Variants in SPAG16 observed in about 807,000 individuals in gnomAD.
SPAG16 encodes sperm-associated antigen 16 protein.
In SPAG16, 86 loss-of-function variants were observed where a neutral mutation model predicts 80.4. The ratio of observed to expected loss-of-function variants is 1.07; its 90% CI spans 0.90 to 1.28. SPAG16 has a LOEUF of 1.28. SPAG16 is among the 50% of genes most tolerant of loss of function. SPAG16 has a pLI of 0.00. For missense variants in SPAG16, 870 were observed against 765.3 expected (o/e 1.14, Z -1.61); for synonymous variants, 294 against 265.9 (o/e 1.11, Z -1.03).
At chr2:213,572,936 C>A (rs369978551) in intron 10 of SPAG16, among the ~76,000 whole-genome samples, 8 of 152,344 alleles carry the variant, frequency 5.3e-5, no homozygotes, top group African/African-American at 1.9e-4. Flanking sequence ...GATGTAATCT[C>A]ATGGTTCGCC....
intron 3 of SPAG16, among the ~76,000 whole-genome samples, chr2:213,300,375 G>A (rs935292520): frequency 3.3e-5 from 5 of 152,106 alleles, no homozygotes; most frequent in African/African-American, 1.2e-4. Context: ...TGACCCAAGC[G>A]AGAATGTTCT....
chr2:213,713,407 G>T (rs1050808512), intron 10 of SPAG16, among the ~76,000 whole-genome samples: 6 of 152,164 alleles, frequency 3.9e-5, no homozygotes, highest in Admixed American at 1.3e-4. Context: ...CACAGCAAAA[G>T]GAGGCTGGAA....
intron 13 of SPAG16, among the ~76,000 whole-genome samples, chr2:214,079,708 C>A (rs1187254886): frequency 6.6e-6 from 1 of 152,074 alleles, no homozygotes; most frequent in Non-Finnish European, 1.5e-5. Context: ...TTGGCTTGGA[C>A]CACCTATTTT....
chr2:213,818,562 C>A (rs1387631097), intron 10 of SPAG16, among the ~76,000 whole-genome samples: 2 of 152,172 alleles, frequency 1.3e-5, no homozygotes, highest in African/African-American at 4.8e-5. Context: ...TTTTACTACT[C>A]ATCTATTGTT....
intron 10 of SPAG16, among the ~76,000 whole-genome samples, chr2:213,734,716 GT>G (rs11291471): frequency 0.91 from 138,098 of 151,870 alleles, 63,887 homozygotes; most frequent in East Asian, 1. Flanking sequence ...ACTTGGACAT[GT>G]TTTTTTTTGG....
chr2:213,742,363 T>C (rs2067594280), intron 10 of SPAG16, among the ~76,000 whole-genome samples: 1 of 152,092 alleles, frequency 6.6e-6, no homozygotes, highest in Non-Finnish European at 1.5e-5. Context: ...GACTGACATG[T>C]TACTATTGTA....
chr2:214,192,286 C>T (rs965801923), intron 15 of SPAG16, among the ~76,000 whole-genome samples: 1 of 152,100 alleles, frequency 6.6e-6, no homozygotes, highest in Non-Finnish European at 1.5e-5. Flanking sequence ...CTTCACTGCT[C>T]ATCTTTCCTT....
chr2:214,163,363 G>T (rs1204424810), intron 15 of SPAG16, among the ~76,000 whole-genome samples: 1 of 151,026 alleles, frequency 6.6e-6, no homozygotes, highest in Admixed American at 6.6e-5. Flanking sequence ...ATTTATTTTT[G>T]TTTTTCTCCC....
At chr2:213,871,983 G>T (rs1308868633) in intron 11 of SPAG16, among the ~76,000 whole-genome samples, 1 of 151,858 alleles carries the variant, frequency 6.6e-6, no homozygotes, top group Non-Finnish European at 1.5e-5. Flanking sequence ...TTTAAACAAT[G>T]TCAAAAAATA....
At chr2:214,267,394 G>T (rs533261902) in intron 15 of SPAG16, among the ~76,000 whole-genome samples, 1 of 151,794 alleles carries the variant, frequency 6.6e-6, no homozygotes, top group Admixed American at 6.6e-5. Context: ...ATACAATTGG[G>T]AAAGGACAGT....
chr2:213,985,813 G>A (rs2045971082), intron 12 of SPAG16, among the ~76,000 whole-genome samples: 1 of 152,040 alleles, frequency 6.6e-6, no homozygotes, highest in Admixed American at 6.6e-5. Flanking sequence ...CAAGGAAATA[G>A]CAGAGGCTAT....
rs150528651 is a variant in SPAG16 at position 214,097,764 on chromosome 2, C to T, written c.1528-10432C>T. Among the ~76,000 whole-genome samples, 443 of 152,052 alleles carry T rather than the reference C, an allele frequency of 2.9e-3. 3 individuals are homozygous for T. The South Asian group carries it at 0.03, about 10-fold the overall frequency. ...GGTTATAATTATGAAGTGATAAAGA[C>T]GGTACACTAAATGTCATCTCTGCTA... On this transcript the variant is annotated intron_variant, in intron 13 of 15. Coordinates refer to ENST00000331683, the MANE Select transcript of SPAG16 (RefSeq NM_024532.5).
intron 15 of SPAG16, among the ~76,000 whole-genome samples, chr2:214,297,138 A>G (rs1045400449): frequency 6.6e-6 from 1 of 152,114 alleles, no homozygotes; most frequent in Non-Finnish European, 1.5e-5. Context: ...AGACTAACAC[A>G]TGTACTTTTT....
At chr2:213,888,232 G>T (rs1189909917) in intron 11 of SPAG16, among the ~76,000 whole-genome samples, 2 of 151,682 alleles carry the variant, frequency 1.3e-5, no homozygotes, top group African/African-American at 2.4e-5. Context: ...ATTTTTCCAT[G>T]GAAATTATTT....
At chr2:213,519,305 G>C (rs1173880950) in intron 10 of SPAG16, among the ~76,000 whole-genome samples, 1 of 152,120 alleles carries the variant, frequency 6.6e-6, no homozygotes, top group Non-Finnish European at 1.5e-5. Flanking sequence ...GATATGATTT[G>C]GCTTGGTGTC....
chr2:213,388,026 T>C (rs899917667), intron 9 of SPAG16, among the ~76,000 whole-genome samples: 1 of 152,204 alleles, frequency 6.6e-6, no homozygotes, highest in Non-Finnish European at 1.5e-5. Flanking sequence ...GTCTAGAGTC[T>C]GTTGAAGTCT....
At chr2:213,957,994 G>A (rs2044234025) in intron 12 of SPAG16, among the ~76,000 whole-genome samples, 1 of 152,192 alleles carries the variant, frequency 6.6e-6, no homozygotes, top group Non-Finnish European at 1.5e-5. Context: ...GCACAACAAA[G>A]CCCATTAGAT....
chr2:214,255,597 T>C (rs1318954683), intron 15 of SPAG16, among the ~76,000 whole-genome samples: 1 of 151,926 alleles, frequency 6.6e-6, no homozygotes, highest in Non-Finnish European at 1.5e-5. Flanking sequence ...GCAACTCAAA[T>C]CTCTACCAGA....
At chr2:213,924,215 G>A (rs2078357569) in intron 11 of SPAG16, among the ~76,000 whole-genome samples, 1 of 152,230 alleles carries the variant, frequency 6.6e-6, no homozygotes. Context: ...TTAAAGGCTT[G>A]TAGTCCCCTT....
Sources: gnomAD v4.1 joint callset for allele counts (sites outside exome capture counted in the v4.1 genomes callset) on GRCh38, gnomAD v4.1.1 for gene constraint, MANE v1.5 for transcripts, NCBI Gene and HGNC (gene_info 2026-07-23, HGNC 2026-07-21) for gene names.